The following ARK2C variants were observed in gnomAD, a reference collection of about 807,000 sequenced individuals.
The protein encoded by ARK2C is arkadia (RNF111) C-terminal like ring finger ubiquitin ligase 2C.
the ARK2C span, among the ~76,000 whole-genome samples, chr18:46,449,564 C>T: frequency 6.6e-6 from 1 of 152,114 alleles, no homozygotes; most frequent in Non-Finnish European, 1.5e-5. Flanking sequence ...GAATAATCCC[C>T]ACATGTTAAG....
chr18:46,346,255 G>C, the ARK2C span, among the ~76,000 whole-genome samples: 2 of 152,218 alleles, frequency 1.3e-5, no homozygotes, highest in Non-Finnish European at 2.9e-5. Context: ...GGGATCTTCT[G>C]AGGGGGGCAC....
the ARK2C span, among the ~76,000 whole-genome samples, chr18:46,426,279 T>C: frequency 1.3e-5 from 2 of 152,212 alleles, no homozygotes; most frequent in Non-Finnish European, 2.9e-5. Context: ...ATCAGATGAG[T>C]GTCCCAGGCA....
the ARK2C span, chr18:46,336,178 A>G: frequency 2.0e-6 from 2 of 985,430 alleles, no homozygotes; most frequent in Non-Finnish European, 1.2e-6. Context: ...GGTGTGGAAC[A>G]TTACACTAGG....
At chr18:46,353,077 C>G in the ARK2C span, among the ~76,000 whole-genome samples, 1 of 152,252 alleles carries the variant, frequency 6.6e-6, no homozygotes, top group East Asian at 1.9e-4. Flanking sequence ...AACCACCGGC[C>G]TGTGGCGATT....
chr18:46,339,678 C>G, the ARK2C span, among the ~76,000 whole-genome samples: 4 of 152,220 alleles, frequency 2.6e-5, no homozygotes, highest in Admixed American at 2.0e-4. Flanking sequence ...TCTTTCTGAA[C>G]AAGAGAACTT....
At chr18:46,387,310 T>G in the ARK2C span, among the ~76,000 whole-genome samples, 1 of 152,144 alleles carries the variant, frequency 6.6e-6, no homozygotes, top group Admixed American at 6.6e-5. Flanking sequence ...GGATCTGCAT[T>G]GAAACAAGCC....
chr18:46,404,238 G>A, the ARK2C span, among the ~76,000 whole-genome samples: 1 of 152,172 alleles, frequency 6.6e-6, no homozygotes, highest in Non-Finnish European at 1.5e-5. Flanking sequence ...CTGGTGCTAC[G>A]TTACAGCATA....
At chr18:46,463,137 T>A in the ARK2C span, 1 of 152,240 alleles carries the variant, frequency 6.6e-6, no homozygotes, top group Non-Finnish European at 1.5e-5. Context: ...CATTGCTAAC[T>A]ACACCTTATG....
the ARK2C span, among the ~76,000 whole-genome samples, chr18:46,346,607 G>C: frequency 6.6e-6 from 1 of 152,292 alleles, no homozygotes; most frequent in South Asian, 2.1e-4. Context: ...CTGAGCCTCA[G>C]TCTCTTCTAA....
the ARK2C span, among the ~76,000 whole-genome samples, chr18:46,449,314 A>G: frequency 6.6e-6 from 1 of 152,182 alleles, no homozygotes; most frequent in Non-Finnish European, 1.5e-5. Context: ...TTTATTTAAA[A>G]TATTGATATT....
the ARK2C span, among the ~76,000 whole-genome samples, chr18:46,412,603 C>T: frequency 6.6e-6 from 1 of 152,212 alleles, no homozygotes; most frequent in African/African-American, 2.4e-5. Context: ...TTTCTTCTCA[C>T]TTGTCACACC....
At chr18:46,426,636 T>G in the ARK2C span, among the ~76,000 whole-genome samples, 1 of 152,226 alleles carries the variant, frequency 6.6e-6, no homozygotes. Flanking sequence ...CCTTATCAAC[T>G]CCAGAATTCT....
chr18:46,434,763 TAGG>T, the ARK2C span, among the ~76,000 whole-genome samples: 2 of 151,982 alleles, frequency 1.3e-5, no homozygotes, highest in Admixed American at 1.3e-4. Context: ...GTGAGCGCTG[TAGG>T]AGGTCAGAAG....
the ARK2C span, chr18:46,385,787 C>A: frequency 6.6e-6 from 1 of 152,138 alleles, no homozygotes; most frequent in Non-Finnish European, 1.5e-5. Context: ...TCAGTGTTTG[C>A]CTTTATATTG....
chr18:46,392,808 A>G, the ARK2C span, among the ~76,000 whole-genome samples: 1 of 152,122 alleles, frequency 6.6e-6, no homozygotes, highest in Non-Finnish European at 1.5e-5. Context: ...ATGCAGTGGC[A>G]CCGCTCCTGC....
chr18:46,416,172 C>T, the ARK2C span, among the ~76,000 whole-genome samples: 5 of 152,190 alleles, frequency 3.3e-5, no homozygotes, highest in Admixed American at 2.0e-4. Context: ...AAAATCAGTG[C>T]TTTGCATTCT....
chr18:46,343,392 C>T, the ARK2C span, among the ~76,000 whole-genome samples: 2 of 152,232 alleles, frequency 1.3e-5, no homozygotes, highest in Non-Finnish European at 2.9e-5. Flanking sequence ...TCCCATCAGT[C>T]AAATGGGCAC....
the ARK2C span, among the ~76,000 whole-genome samples, chr18:46,435,555 C>A: frequency 6.6e-6 from 1 of 152,204 alleles, no homozygotes; most frequent in East Asian, 1.9e-4. Context: ...ACCCTCTGGG[C>A]CAGATGGTCC....
chr18:46,390,007 C>G, the ARK2C span, among the ~76,000 whole-genome samples: 1 of 152,168 alleles, frequency 6.6e-6, no homozygotes, highest in Non-Finnish European at 1.5e-5. Context: ...GGACTATAGG[C>G]GTGAGCCACC....
Sources: allele counts gnomAD v4.1 joint callset (sites outside exome capture counted in the v4.1 genomes callset), GRCh38; gene constraint gnomAD v4.1.1; transcripts MANE v1.5; gene names NCBI Gene and HGNC (gene_info 2026-07-23, HGNC 2026-07-21).